ZNF516: variants seen among roughly 807,000 people sequenced by gnomAD.
ZNF516 encodes zinc finger protein 516.
Under a neutral mutation model 79.7 loss-of-function variants are expected in ZNF516, and 19 were observed. The ratio of observed to expected loss-of-function variants is 0.24; its 90% confidence interval spans 0.17 to 0.35. The LOEUF is 0.35. Among genes scored for constraint, ZNF516 ranks in the 10% least tolerant of loss-of-function variants. ZNF516 has a pLI of 1.00. For synonymous variants in ZNF516, 877 were observed against 739.5 expected (o/e 1.19, Z -3.02); for missense variants, 1,678 against 1,679.5 (o/e 1.00, Z 0.02).
At chr18:76,392,122 C>A (rs2145149848) in intron 3 of ZNF516, among the ~76,000 whole-genome samples, 1 of 152,314 alleles carries the variant, frequency 6.6e-6, no homozygotes, top group South Asian at 2.1e-4. Flanking sequence ...GCCACTGGAC[C>A]AAAGAAACAC....
chr18:76,491,666 C>T, intron 1 of ZNF516: 1 of 618,930 alleles, frequency 1.6e-6, no homozygotes, highest in Non-Finnish European at 2.0e-6. Flanking sequence ...CAAGCGGCCA[C>T]CGCCCCCACC....
At chr18:76,495,739 C>A, upstream of ZNF516, 1 of 1,174,362 alleles carries the variant, frequency 8.5e-7, no homozygotes, top group Non-Finnish European at 1.1e-6. Flanking sequence ...TACCTGGGCA[C>A]TGCGCCCCAT....
chr18:76,489,713 C>G (rs1247846037), intron 1 of ZNF516, among the ~76,000 whole-genome samples: 1 of 151,686 alleles, frequency 6.6e-6, no homozygotes, highest in African/African-American at 2.4e-5. Flanking sequence ...GTGAGGTAAA[C>G]TATTCTCAGG....
chr18:76,490,715 A>C, intron 1 of ZNF516: 1 of 954,340 alleles, frequency 1.0e-6, no homozygotes, highest in Non-Finnish European at 1.2e-6. Context: ...TGGCAGGCTG[A>C]CGGGGGCAAT....
rs1744396521 is a variant in ZNF516, at chr18:76,361,098, A to G, written c.*1400T>C. 4 of 152,054 alleles carry G rather than the reference A, an allele frequency of 2.6e-5. No individual in the cohort carries two copies. Among genetic ancestry groups the G allele is most frequent in the Admixed American group, 2.0e-4 (3 of 15,274 alleles). 9.4% of individuals were successfully genotyped at this position (152,054 alleles called of 1,614,324 possible). ...TTTCCTGCCTTTACAAAATTTCACAATTAAAAAAAAACCTAGTAAAGCTTT... is the reference window on the plus strand; with the variant it reads ...TTTCCTGCCTTTACAAAATTTCACAGTTAAAAAAAAACCTAGTAAAGCTTT... On this transcript the variant is annotated 3_prime_UTR_variant, in exon 7 of 7. Transcript: ENST00000443185.
In ZNF516 at chr18:76,438,697, A is replaced by G. The variant is rs1196538719; in HGVS notation, c.1810+2548T>C. Among the ~76,000 whole-genome samples the G allele has an allele frequency of 2.0e-5, 3 of 152,330 alleles. No individual in the cohort carries two copies. In the East Asian group the frequency reaches 5.8e-4, roughly 29 times the overall value. Reference sequence around the variant, plus strand: ...AACATGTTCCATAAAAAAAAAGGAGAGGAGTTTCTTTCACTTAATCTAATA... The same window carrying G: ...AACATGTTCCATAAAAAAAAAGGAGGGGAGTTTCTTTCACTTAATCTAATA... On this transcript the variant is annotated intron_variant, in intron 3 of 6. Transcript: ENST00000443185.
At chr18:76,431,390 A>G (rs1183438847) in intron 3 of ZNF516, among the ~76,000 whole-genome samples, 3 of 152,250 alleles carry the variant, frequency 2.0e-5, no homozygotes, top group Non-Finnish European at 4.4e-5. Flanking sequence ...ATCAAATGGC[A>G]AGCCACAGAT....
At chr18:76,383,202 G>T (rs1187112551) in intron 3 of ZNF516, among the ~76,000 whole-genome samples, 1 of 152,196 alleles carries the variant, frequency 6.6e-6, no homozygotes, top group Non-Finnish European at 1.5e-5. Flanking sequence ...AGGGGCAGCG[G>T]GCAGGAAACT....
At chr18:76,423,845 G>A (rs2075547560) in intron 3 of ZNF516, among the ~76,000 whole-genome samples, 1 of 146,480 alleles carries the variant, frequency 6.8e-6, no homozygotes, top group Non-Finnish European at 1.5e-5. Flanking sequence ...ACATGCAGGT[G>A]AAAAGGCTCC....
chr18:76,449,843 T>C (rs541677998), intron 2 of ZNF516, among the ~76,000 whole-genome samples: 3 of 152,318 alleles, frequency 2.0e-5, no homozygotes, highest in East Asian at 1.9e-4. Flanking sequence ...AATAGCTAAA[T>C]AGGAACACCT....
chr18:76,423,370 C>T (rs977097161), intron 3 of ZNF516, among the ~76,000 whole-genome samples: 2 of 152,238 alleles, frequency 1.3e-5, no homozygotes, highest in African/African-American at 4.8e-5. Context: ...ACCATTTAAG[C>T]AACAAGACGT....
chr18:76,483,886 A>G (rs2145797163), intron 1 of ZNF516, among the ~76,000 whole-genome samples: 1 of 152,276 alleles, frequency 6.6e-6, no homozygotes, highest in Admixed American at 6.5e-5. Flanking sequence ...GAGCGCTGCC[A>G]TGTGACAGCA....
intron 3 of ZNF516, among the ~76,000 whole-genome samples, chr18:76,418,413 G>A (rs1055391689): frequency 2.0e-5 from 3 of 151,234 alleles, no homozygotes; most frequent in South Asian, 2.1e-4. Context: ...TAACATACAC[G>A]GTAACATGCT....
intron 6 of ZNF516, among the ~76,000 whole-genome samples, chr18:76,368,474 G>C (rs2074651616): frequency 6.6e-6 from 1 of 151,732 alleles, no homozygotes; most frequent in African/African-American, 2.4e-5. Context: ...ATCTAGCTCA[G>C]TTTTAATGCC....
At chr18:76,374,001 C>G (rs2074747903) in intron 4 of ZNF516, among the ~76,000 whole-genome samples, 1 of 152,306 alleles carries the variant, frequency 6.6e-6, no homozygotes, top group Admixed American at 6.5e-5. Flanking sequence ...AAGGCCTGGC[C>G]AACTTCAGAG....
rs2074509890 is a variant in ZNF516 at position 76,360,178 on chromosome 18, TGGA to T, written c.*2317_*2319del. On this transcript the variant is annotated 3_prime_UTR_variant, in exon 7 of 7. Transcript: ENST00000443185. ...CCACTCCCCACCAGAGCCTCCAGGA[TGGA>T]GCCTCACCAGCAAGACACTTCCAGC... is the stretch of plus-strand genomic sequence containing the variant. The T allele has an allele frequency of 6.6e-6, 1 of 152,340 alleles. No homozygotes were observed. Among genetic ancestry groups the T allele is most frequent in the Non-Finnish European group, 1.5e-5 (1 of 68,118 alleles). 9.4% of individuals were successfully genotyped at this position (152,340 alleles called of 1,614,324 possible). A position where few individuals can be genotyped will look rare whatever the true frequency, so the allele number is the denominator to read the frequency against.
Position 76,442,026 on chromosome 18 carries a change from C to G in ZNF516, c.1029G>C (p.Leu343=). 6.2e-7 allele frequency: 1 copy of G among 1,613,944 alleles called. No individual in the cohort carries two copies. Among genetic ancestry groups the G allele is most frequent in the Non-Finnish European group, 8.5e-7 (1 of 1,179,888 alleles). ...CGTTCAAGCTGTCCAGGTTTGTAAACAGGTTCCCGCACTTGGCGCAGACCT... is the reference window on the plus strand; with the variant it reads ...CGTTCAAGCTGTCCAGGTTTGTAAAGAGGTTCCCGCACTTGGCGCAGACCT... ...LYEVCAKCGN[L]FTNLDSLNAH... is the part of the protein sequence containing the mutation. The change falls in exon 3 of 7, where the codon CTG becomes CTC. Residue 343 remains leucine, a synonymous_variant. Coordinates refer to ENST00000443185, the MANE Select transcript of ZNF516 (RefSeq NM_014643.4).
intron 1 of ZNF516, chr18:76,492,497 G>A (rs2145845426): frequency 4.4e-6 from 2 of 449,750 alleles, no homozygotes; most frequent in Non-Finnish European, 5.9e-6. Context: ...CCAGGGACTA[G>A]GCATCAACTC....
chr18:76,471,309 C>T (rs1413517815), intron 1 of ZNF516, among the ~76,000 whole-genome samples: 2 of 152,032 alleles, frequency 1.3e-5, no homozygotes, highest in Non-Finnish European at 2.9e-5. Context: ...ACTTTCTTCC[C>T]GAAAAAGGTG....
Sources: gnomAD v4.1 joint callset for allele counts (sites outside exome capture counted in the v4.1 genomes callset) on GRCh38, gnomAD v4.1.1 for gene constraint, MANE v1.5 for transcripts, NCBI Gene and HGNC (gene_info 2026-07-23, HGNC 2026-07-21) for gene names.